The following IFRD1 variants were observed in gnomAD, a reference collection of about 807,000 sequenced individuals.
IFRD1 encodes interferon-related developmental regulator 1.
Under a neutral mutation model 52.9 loss-of-function variants are expected in IFRD1, and 35 were observed. That is an observed-to-expected ratio of 0.66 (90% confidence interval 0.51 to 0.88). The LOEUF is 0.88. IFRD1 is among the 40% of genes least tolerant of loss of function. The pLI is 0.00. For missense variants in IFRD1, 517 were observed against 550.8 expected (o/e 0.94, Z 0.61); for synonymous variants, 184 against 188.4 (o/e 0.98, Z 0.19).
chr7:112,473,242 T>TGG (rs1186516301), intron 11 of IFRD1, among the ~76,000 whole-genome samples: 11 of 152,158 alleles, frequency 7.2e-5, no homozygotes, highest in African/African-American at 2.7e-4. Flanking sequence ...AATTCTATCT[T>TGG]AATATAGGAA....
At chr7:112,428,586 G>T (rs1794478983) in intron 1 of IFRD1, among the ~76,000 whole-genome samples, 1 of 152,166 alleles carries the variant, frequency 6.6e-6, no homozygotes. Context: ...TCTCACTTGG[G>T]TGGCTGGCAA....
chr7:112,444,034 A>T (rs1259517659), intron 1 of IFRD1, among the ~76,000 whole-genome samples: 2 of 152,248 alleles, frequency 1.3e-5, no homozygotes, highest in African/African-American at 4.8e-5. Context: ...GTCCACTGAT[A>T]TTCTTTATGT....
At chr7:112,460,444 T>G (rs1321698644) in intron 5 of IFRD1, among the ~76,000 whole-genome samples, 1 of 151,804 alleles carries the variant, frequency 6.6e-6, no homozygotes, top group Non-Finnish European at 1.5e-5. Context: ...GGTCTTGCTG[T>G]ATTGCCCAGG....
At chr7:112,430,524 C>G (rs1794524644) in intron 1 of IFRD1, among the ~76,000 whole-genome samples, 1 of 152,112 alleles carries the variant, frequency 6.6e-6, no homozygotes, top group East Asian at 1.9e-4. Context: ...GGAAGGAGAA[C>G]CTGGTAAAAG....
chr7:112,465,801 G>A (rs759039302), intron 8 of IFRD1, among the ~76,000 whole-genome samples: 2 of 152,210 alleles, frequency 1.3e-5, no homozygotes, highest in African/African-American at 2.4e-5. Flanking sequence ...AAACTGCCTC[G>A]TATGGTTGTG....
At chr7:112,442,115 G>T (rs1347318852) in intron 1 of IFRD1, among the ~76,000 whole-genome samples, 1 of 152,190 alleles carries the variant, frequency 6.6e-6, no homozygotes, top group Non-Finnish European at 1.5e-5. Flanking sequence ...CTCTAGTTCT[G>T]TCTGTCTGGA....
In IFRD1 at chr7:112,438,673, G is replaced by A. The variant is rs1025346871; in HGVS notation, c.-181-11835G>A. On this transcript the variant is annotated intron_variant, in intron 1 of 12. Transcript: ENST00000005558. ...CTTGAGACTAGAAGATACCTCCTTC[G>A]CCAAAAAAGACGAGGCTGTGGAAAT... Among the ~76,000 whole-genome samples the A allele has an allele frequency of 5.3e-5, 8 of 152,008 alleles. No homozygotes were observed. In the East Asian group the frequency reaches 5.8e-4, roughly 11 times the overall value.
chr7:112,473,052 GTGTGTGTGTGTGTGTA>G (rs141635606), intron 11 of IFRD1, among the ~76,000 whole-genome samples, 191 bp downstream of exon 11: 6,347 of 72,182 alleles, frequency 0.088, 455 homozygotes, highest in African/African-American at 0.23. Context: ...GTGTGTGTGT[GTGTGTGTGTGTGTGTA>G]TATATGTGTC....
intron 9 of IFRD1, among the ~76,000 whole-genome samples, chr7:112,470,471 C>T (rs1795718693): frequency 6.6e-6 from 1 of 152,144 alleles, no homozygotes; most frequent in African/African-American, 2.4e-5. Flanking sequence ...TATGCCTTGA[C>T]TATTTTAAAA....
intron 1 of IFRD1, among the ~76,000 whole-genome samples, chr7:112,435,874 CTCT>C (rs1353231350): frequency 6.7e-6 from 1 of 149,426 alleles, no homozygotes; most frequent in Non-Finnish European, 1.5e-5. Context: ...TCTTTTTTCT[CTCT>C]TTTTTTTTTT....
At chr7:112,473,532 A>G (rs183646181) in intron 11 of IFRD1, among the ~76,000 whole-genome samples, 21 of 151,300 alleles carry the variant, frequency 1.4e-4, no homozygotes, top group Non-Finnish European at 2.8e-4. Flanking sequence ...TCAAGTGATT[A>G]TCCTGCCTCA....
chr7:112,472,116 C>T, intron 9 of IFRD1, 103 bp from the exon 10 acceptor site: 4 of 1,185,104 alleles, frequency 3.4e-6, no homozygotes, highest in Non-Finnish European at 5.1e-6. Context: ...CCATATTGTT[C>T]ATTTATCTCA....
chr7:112,429,564 T>A (rs1048324872), intron 1 of IFRD1, among the ~76,000 whole-genome samples: 3 of 152,174 alleles, frequency 2.0e-5, no homozygotes, highest in Non-Finnish European at 2.9e-5. Flanking sequence ...TTCTAAGGAT[T>A]TTCCTGCAAT....
chr7:112,456,870 T>C (rs1247063195), intron 3 of IFRD1, 44 bp from the exon 4 acceptor site: 2 of 1,596,886 alleles, frequency 1.3e-6, no homozygotes, highest in East Asian at 2.2e-5. Flanking sequence ...ATTTATTGTA[T>C]ACTCCAACTG....
At chr7:112,459,105 G>C (rs1460278935) in intron 5 of IFRD1, 87 bp downstream of exon 5, 4 of 1,132,996 alleles carry the variant, frequency 3.5e-6, no homozygotes, top group Non-Finnish European at 5.3e-6. Context: ...AGCTACTCAA[G>C]AGGCTGAGGC....
intron 8 of IFRD1, among the ~76,000 whole-genome samples, chr7:112,464,535 A>G (rs1795561464): frequency 6.6e-6 from 1 of 152,196 alleles, no homozygotes. Flanking sequence ...ATTAAAATGG[A>G]TAAATTATTA....
intron 5 of IFRD1, among the ~76,000 whole-genome samples, chr7:112,460,390 A>G (rs1253943441): frequency 3.3e-5 from 5 of 151,498 alleles, no homozygotes; most frequent in African/African-American, 4.9e-5. Flanking sequence ...GACTATAGGC[A>G]TGTACCACCA....
At position 112,443,445 on chromosome 7, in the gene IFRD1, G is replaced by A. The variant is rs544641091; in HGVS notation, c.-181-7063G>A. Among the ~76,000 whole-genome samples the A allele has an allele frequency of 2.6e-5, 4 of 151,704 alleles. No individual in the cohort carries two copies. The East Asian group carries it at 7.8e-4, about 29-fold the overall frequency. On this transcript the variant is annotated intron_variant, in intron 1 of 12. Transcript: ENST00000005558. ...TAAGTAAATTAGCTGGGATACATGC[G>A]TCTGTATCCCAGCTACTCAGGAGGC...
intron 11 of IFRD1, among the ~76,000 whole-genome samples, chr7:112,475,193 C>T (rs1367047280): frequency 6.6e-6 from 1 of 152,134 alleles, no homozygotes; most frequent in Non-Finnish European, 1.5e-5. Context: ...CTCCTGACCT[C>T]GTGATTCGCC....
Sources: gnomAD v4.1 joint callset for allele counts (sites outside exome capture counted in the v4.1 genomes callset) on GRCh38, gnomAD v4.1.1 for gene constraint, MANE v1.5 for transcripts, NCBI Gene and HGNC (gene_info 2026-07-23, HGNC 2026-07-21) for gene names.